Variants in ZNF609 observed in about 807,000 individuals in gnomAD.
The protein encoded by ZNF609 is zinc finger protein 609.
In ZNF609, 11 loss-of-function variants were observed where a neutral mutation model predicts 109.5. That is an observed-to-expected ratio of 0.10 (90% confidence interval 0.06 to 0.17). ZNF609 has a LOEUF of 0.17. ZNF609 is among the 10% of genes least tolerant of loss of function. The pLI, the probability that ZNF609 is intolerant of heterozygous loss-of-function variation, is 1.00. For synonymous variants in ZNF609, 646 were observed against 662.0 expected (o/e 0.98, Z 0.37); for missense variants, 1,559 against 1,772.4 (o/e 0.88, Z 2.16).
chr15:64,633,421 A>G (rs562112087), intron 3 of ZNF609, among the ~76,000 whole-genome samples: 15 of 152,284 alleles, frequency 9.9e-5, no homozygotes, highest in African/African-American at 3.4e-4. Flanking sequence ...TGCTAGGACT[A>G]TAGGCGTGAA....
At chr15:64,572,326 T>A (rs923454843) in intron 2 of ZNF609, among the ~76,000 whole-genome samples, 3 of 152,138 alleles carry the variant, frequency 2.0e-5, no homozygotes, top group Admixed American at 1.3e-4. Context: ...TGAGACCTCA[T>A]TCTTTACAAA....
At chr15:64,655,924 T>C (rs1896481797) in intron 3 of ZNF609, among the ~76,000 whole-genome samples, 1 of 152,062 alleles carries the variant, frequency 6.6e-6, no homozygotes, top group Admixed American at 6.6e-5. Context: ...TTGTGTAAAA[T>C]GGAATAAGTA....
chr15:64,619,127 G>A (rs957101601), intron 2 of ZNF609, among the ~76,000 whole-genome samples: 4 of 152,168 alleles, frequency 2.6e-5, no homozygotes, highest in African/African-American at 9.7e-5. Flanking sequence ...CTGCAGGTGT[G>A]TGCCAACACA....
intron 3 of ZNF609, among the ~76,000 whole-genome samples, chr15:64,654,739 G>A (rs568209318): frequency 1.4e-4 from 21 of 152,238 alleles, no homozygotes; most frequent in African/African-American, 4.8e-4. Flanking sequence ...TTAAGTGATA[G>A]GTATAGGTAT....
chr15:64,614,102 G>C (rs1895760263), intron 2 of ZNF609, among the ~76,000 whole-genome samples: 1 of 151,028 alleles, frequency 6.6e-6, no homozygotes, highest in Admixed American at 6.6e-5. Flanking sequence ...TGTATTTTTA[G>C]TAGAGACGGG....
chr15:64,475,392 C>CTTTTTT lies in ZNF609; in HGVS notation c.-128+14568_-128+14573dup, dbSNP rs35289626. Among the ~76,000 whole-genome samples the CTTTTTT allele has an allele frequency of 4.6e-5, 5 of 109,574 alleles. 1 individual carries two copies. The highest frequency in any genetic ancestry group is 1.2e-4 in the Admixed American group (1 of 8,256). 71.9% of individuals were successfully genotyped at this position (109,574 alleles called of 152,430 possible). A position where few individuals can be genotyped will look rare whatever the true frequency, so the allele number is the denominator to read the frequency against. ...GTTGTAGTACTTTATCACATGTTGT[C>CTTTTTT]TTTTTTTTTTTTTTTTTTTGAGACG... On this transcript the variant is annotated intron_variant, in intron 1 of 9. Coordinates refer to ENST00000326648, the MANE Select transcript of ZNF609 (RefSeq NM_015042.2).
intron 2 of ZNF609, among the ~76,000 whole-genome samples, chr15:64,570,232 G>T (rs1486933680): frequency 6.6e-6 from 1 of 152,214 alleles, no homozygotes; most frequent in Non-Finnish European, 1.5e-5. Context: ...ACGTGGCCTG[G>T]TTGGTGGTTT....
chr15:64,604,853 A>G (rs1006264829), intron 2 of ZNF609, among the ~76,000 whole-genome samples: 3 of 150,132 alleles, frequency 2.0e-5, no homozygotes, highest in African/African-American at 7.6e-5. Flanking sequence ...ATTTTTTGAG[A>G]TGGAGTCTCG....
intron 1 of ZNF609, among the ~76,000 whole-genome samples, chr15:64,493,419 A>T (rs1349175445): frequency 6.6e-6 from 1 of 152,214 alleles, no homozygotes; most frequent in East Asian, 1.9e-4. Context: ...TACAATGTAC[A>T]AGCCTGTGGG....
At chr15:64,633,941 C>A (rs571354822) in intron 3 of ZNF609, among the ~76,000 whole-genome samples, 2 of 151,978 alleles carry the variant, frequency 1.3e-5, no homozygotes, top group Admixed American at 6.6e-5. Context: ...GTATAGCCAC[C>A]GTGCCTGGCC....
intron 2 of ZNF609, among the ~76,000 whole-genome samples, chr15:64,527,014 T>G (rs1057102513): frequency 2.0e-5 from 3 of 151,978 alleles, no homozygotes; most frequent in African/African-American, 7.3e-5. Flanking sequence ...TGTTGATATT[T>G]TTCAGAACAA....
intron 3 of ZNF609, among the ~76,000 whole-genome samples, chr15:64,667,445 A>G (rs1567042985): frequency 6.6e-6 from 1 of 152,174 alleles, no homozygotes; most frequent in Non-Finnish European, 1.5e-5. Context: ...GTGGTGGCTA[A>G]CACCTGTAAT....
intron 3 of ZNF609, among the ~76,000 whole-genome samples, chr15:64,652,593 A>C (rs1243875465): frequency 1.3e-5 from 2 of 151,946 alleles, no homozygotes; most frequent in African/African-American, 4.8e-5. Flanking sequence ...TTGCCATGTT[A>C]CCTAGGCTGA....
At position 64,606,523 on chromosome 15, in the gene ZNF609, C is replaced by T. The variant is rs1895603962; in HGVS notation, c.748-16304C>T. ...GCAGTGAGCCGAGACCATGCCACTG[C>T]ACTCCAGCCTGGGCAACAGAGCAAG... On this transcript the variant is annotated intron_variant, in intron 2 of 9. Transcript: ENST00000326648. Among the ~76,000 whole-genome samples the T allele has an allele frequency of 4.1e-5, 6 of 144,728 alleles. No individual in the cohort carries two copies. The South Asian group carries it at 1.3e-3, about 32-fold the overall frequency. 94.9% of individuals were successfully genotyped at this position (144,728 alleles called of 152,430 possible).
At chr15:64,537,350 A>G (rs1390151546) in intron 2 of ZNF609, among the ~76,000 whole-genome samples, 2 of 151,176 alleles carry the variant, frequency 1.3e-5, no homozygotes, top group Non-Finnish European at 2.9e-5. Flanking sequence ...ATACATACAA[A>G]ATTAGCCGGG....
chr15:64,490,559 C>T (rs563234384), intron 1 of ZNF609, among the ~76,000 whole-genome samples: 8 of 152,254 alleles, frequency 5.3e-5, no homozygotes, highest in African/African-American at 1.9e-4. Flanking sequence ...CAGGCATGAG[C>T]CACCGTGCCC....
chr15:64,528,523 C>T (rs1334493249), intron 2 of ZNF609: 4 of 509,516 alleles, frequency 7.9e-6, no homozygotes, highest in African/African-American at 7.7e-5. Flanking sequence ...GCACCCTAGG[C>T]CCCTCCCTCT....
chr15:64,650,900 G>C (rs1011564419), intron 3 of ZNF609, among the ~76,000 whole-genome samples: 1 of 147,736 alleles, frequency 6.8e-6, no homozygotes, highest in African/African-American at 2.5e-5. Context: ...GTGGGGGGGG[G>C]ATCCTTTGTC....
At position 64,674,458 on chromosome 15, in the gene ZNF609, A is replaced by G. The variant is rs768802835; in HGVS notation, c.1604A>G (p.Tyr535Cys). The G allele has an allele frequency of 8.1e-6, 13 of 1,614,202 alleles. No homozygotes were observed. Among genetic ancestry groups the G allele is most frequent in the Non-Finnish European group, 1.1e-5 (13 of 1,180,038 alleles). Residue 535 changes from tyrosine to cysteine, a missense_variant, in exon 5 of 10, where the codon TAC becomes TGC. By Grantham distance (194) the Tyr-to-Cys change is radical. This residue lies in a region of ZNF609 where 1,204 missense variants were observed against 1,314.1 expected (regional missense o/e 0.92). Coordinates refer to ENST00000326648, the MANE Select transcript of ZNF609 (RefSeq NM_015042.2). ...CCGGAAGCGGATGGGGACAGTGAGT[A>G]CGGAGAGGAACCTATTCTCCATGCA... ...SKPEADGDSE[Y>C]GEEPILHADL... is the part of the protein sequence containing the mutation.
Sources: gnomAD v4.1 joint callset for allele counts (sites outside exome capture counted in the v4.1 genomes callset) on GRCh38, gnomAD v4.1.1 for gene constraint, gnomAD v4.1.1 regional missense constraint, MANE v1.5 for transcripts, NCBI Gene and HGNC (gene_info 2026-07-23, HGNC 2026-07-21) for gene names.